The following SLC22A3 variants were observed in gnomAD, a reference collection of about 807,000 sequenced individuals.
The protein encoded by SLC22A3 is EMT organic cation transporter 3.
In SLC22A3, 51 loss-of-function variants were observed where a neutral mutation model predicts 59.1. That is an observed-to-expected ratio of 0.86 (90% CI 0.69 to 1.09). The LOEUF (loss-of-function observed/expected upper bound fraction) is 1.09, where lower values mean the gene tolerates loss of function less well. SLC22A3 is among the 50% of genes least tolerant of loss of function. The pLI is 0.00. For synonymous variants in SLC22A3, 325 were observed against 292.0 expected (o/e 1.11, Z -1.15); for missense variants, 711 against 726.3 (o/e 0.98, Z 0.24).
chr6:160,350,106 A>G (rs952525973), intron 1 of SLC22A3, among the ~76,000 whole-genome samples: 1 of 148,466 alleles, frequency 6.7e-6, no homozygotes, highest in Non-Finnish European at 1.5e-5. Context: ...GATAAAACCC[A>G]TGGCAGGACA....
At chr6:160,430,334 TCTGGCCTAACCCTGA>T (rs1788105368) in intron 5 of SLC22A3, among the ~76,000 whole-genome samples, 1 of 152,192 alleles carries the variant, frequency 6.6e-6, no homozygotes, top group Non-Finnish European at 1.5e-5. Context: ...ATACCACATG[TCTGGCCTAACCCTGA>T]CTGTCTTTTT....
intron 5 of SLC22A3, among the ~76,000 whole-genome samples, chr6:160,413,324 A>G (rs529271309): frequency 3.8e-4 from 58 of 152,378 alleles, no homozygotes; most frequent in Admixed American, 1.1e-3. Flanking sequence ...GGCTGTGCTT[A>G]TGAGAGATCA....
chr6:160,381,106 G>A (rs1162222310), intron 1 of SLC22A3, among the ~76,000 whole-genome samples: 2 of 152,252 alleles, frequency 1.3e-5, no homozygotes, highest in East Asian at 3.9e-4. Context: ...TGTAAAAGTG[G>A]GGAGCTACTG....
chr6:160,361,295 C>G (rs1268840583), intron 1 of SLC22A3, among the ~76,000 whole-genome samples: 1 of 152,124 alleles, frequency 6.6e-6, no homozygotes, highest in African/African-American at 2.4e-5. Context: ...GTAATATTAA[C>G]AAAGGAACAT....
chr6:160,372,604 C>A (rs906757063), intron 1 of SLC22A3, among the ~76,000 whole-genome samples: 2 of 151,950 alleles, frequency 1.3e-5, no homozygotes, highest in Admixed American at 6.6e-5. Context: ...CAACTTGGAT[C>A]CATTCTACCC....
chr6:160,410,677 T>G, intron 4 of SLC22A3, 52 bp from the exon 5 acceptor site: 1 of 1,116,380 alleles, frequency 9.0e-7, no homozygotes, highest in Non-Finnish European at 1.4e-6. Context: ...GCAATAGATT[T>G]TAGCGTTTGA....
rs142188034 is a variant in SLC22A3, at chr6:160,367,191, T to C, written c.429+18343T>C. On this transcript the variant is annotated intron_variant, in intron 1 of 10. Transcript: ENST00000275300. ...AGGGCTAGGGAGGCCTCAGGAAACT[T>C]ACAATCATGGTAGAAGGGGAAGTAA... is the stretch of plus-strand genomic sequence containing the variant. Among the ~76,000 whole-genome samples the C allele has an allele frequency of 2.1e-3, 326 of 152,292 alleles. 1 individual carries two copies. The highest frequency in any genetic ancestry group is 7.6e-3 in the African/African-American group (315 of 41,574).
chr6:160,391,957 G>T (rs533531025), intron 1 of SLC22A3, among the ~76,000 whole-genome samples: 1 of 152,204 alleles, frequency 6.6e-6, no homozygotes, highest in African/African-American at 2.4e-5. Context: ...CTACAGTAAA[G>T]CCTGATAGTT....
rs893698684 is a variant in SLC22A3 at position 160,443,008 on chromosome 6, A to G, written c.1397+139A>G. 4 of 720,342 alleles carry G rather than the reference A, an allele frequency of 5.6e-6. No homozygotes were observed. In the African/African-American group the frequency reaches 7.0e-5, roughly 13 times the overall value. The allele number at this position is 720,342 out of a possible 1,614,324, so 44.6% of individuals were successfully genotyped here. A position where few individuals can be genotyped will look rare whatever the true frequency, so the allele number is the denominator to read the frequency against. On this transcript the variant is annotated intron_variant, in intron 8 of 10. Transcript: ENST00000275300. ...AGGCTGAATCCAGCTAGTAAAGAAGATATGCTTTGAGTTATCACTGCTTTC... is the reference window on the plus strand; with the variant it reads ...AGGCTGAATCCAGCTAGTAAAGAAGGTATGCTTTGAGTTATCACTGCTTTC...
intron 1 of SLC22A3, among the ~76,000 whole-genome samples, chr6:160,362,926 G>A (rs886739726): frequency 1.3e-5 from 2 of 149,526 alleles, no homozygotes; most frequent in African/African-American, 2.6e-5. Flanking sequence ...CCCATCCAGG[G>A]ACCCACGGAT....
At chr6:160,396,417 A>G (rs913685342) in intron 1 of SLC22A3, among the ~76,000 whole-genome samples, 1 of 152,206 alleles carries the variant, frequency 6.6e-6, no homozygotes, top group African/African-American at 2.4e-5. Context: ...GGCTAATAAA[A>G]AAGTAAAAAT....
At chr6:160,410,299 G>A (rs1371206945) in intron 4 of SLC22A3, among the ~76,000 whole-genome samples, 2 of 152,214 alleles carry the variant, frequency 1.3e-5, no homozygotes, top group African/African-American at 4.8e-5. Context: ...TTACAGGCCT[G>A]AGCCACCACA....
intron 4 of SLC22A3, 134 bp downstream of exon 4, chr6:160,409,055 T>C (rs1264675518): frequency 2.8e-6 from 2 of 703,300 alleles, no homozygotes; most frequent in Non-Finnish European, 4.4e-6. Flanking sequence ...AGTTTTAGGG[T>C]ACATGTGCAC....
At chr6:160,375,264 T>C (rs982774867) in intron 1 of SLC22A3, among the ~76,000 whole-genome samples, 2 of 152,198 alleles carry the variant, frequency 1.3e-5, no homozygotes, top group African/African-American at 4.8e-5. Flanking sequence ...TTTCACAGAA[T>C]AGATGCAGTC....
chr6:160,364,348 C>A (rs969868855), intron 1 of SLC22A3, among the ~76,000 whole-genome samples: 1 of 152,210 alleles, frequency 6.6e-6, no homozygotes, highest in East Asian at 1.9e-4. Context: ...TTAACTAATT[C>A]AGATATTATT....
Position 160,415,160 on chromosome 6 carries a change from G to C in SLC22A3, c.975+4314G>C, listed in dbSNP as rs1460838232. On this transcript the variant is annotated intron_variant, in intron 5 of 10. Coordinates refer to ENST00000275300, the MANE Select transcript of SLC22A3 (RefSeq NM_021977.4). This position sits in a 1 kb window ranked among gnomAD's most constrained non-coding sequence, Gnocchi z 4.1. ...GAAAAGCAAAGTGTTATCTTCAAGA[G>C]AAGGATTTAACATTTAAGTTTAAAA... Among the ~76,000 whole-genome samples, 1 of 152,152 alleles carries C rather than the reference G, an allele frequency of 6.6e-6. No individual in the cohort carries two copies. The highest frequency in any genetic ancestry group is 1.5e-5 in the Non-Finnish European group (1 of 68,014).
chr6:160,365,333 A>G (rs1289669385), intron 1 of SLC22A3, among the ~76,000 whole-genome samples: 2 of 152,162 alleles, frequency 1.3e-5, no homozygotes, highest in Non-Finnish European at 2.9e-5. Flanking sequence ...GTTTCCTTGC[A>G]AGGTCTGCCA....
rs114191625 is a variant in SLC22A3, at chr6:160,442,293, G to A, written c.1289-468G>A. Among the ~76,000 whole-genome samples, 586 of 152,288 alleles carry A rather than the reference G, an allele frequency of 3.8e-3. 3 individuals are homozygous for A. Among genetic ancestry groups the A allele is most frequent in the Middle Eastern group, 0.027 (8 of 294 alleles). ...ACTCTAGAAACCAAGGTCAGCTCAC[G>A]TGAGGAACTCCCCAGGTGTGCTGGG... On this transcript the variant is annotated intron_variant, in intron 7 of 10. Coordinates refer to ENST00000275300, the MANE Select transcript of SLC22A3 (RefSeq NM_021977.4).
At chr6:160,401,561 G>A (rs922151151) in intron 2 of SLC22A3, among the ~76,000 whole-genome samples, 2 of 151,818 alleles carry the variant, frequency 1.3e-5, no homozygotes, top group African/African-American at 4.8e-5. Context: ...GAATGAAAAT[G>A]ATCTAGGTTA....
Sources: gnomAD v4.1 joint callset for allele counts (sites outside exome capture counted in the v4.1 genomes callset) on GRCh38, gnomAD v4.1.1 for gene constraint, Gnocchi (gnomAD v3.1) non-coding constraint, MANE v1.5 for transcripts, NCBI Gene and HGNC (gene_info 2026-07-23, HGNC 2026-07-21) for gene names.